The following SV2B variants were observed in gnomAD, a reference collection of about 807,000 sequenced individuals.
The protein encoded by SV2B is solute carrier family 22 member B2.
SV2B carries 41 observed loss-of-function variants against 73.9 expected under a neutral mutation model. The ratio of observed to expected loss-of-function variants is 0.56; its 90% CI spans 0.43 to 0.72. The LOEUF (loss-of-function observed/expected upper bound fraction) is 0.72, where lower values mean the gene tolerates loss of function less well. Among genes scored for constraint, SV2B ranks in the 30% least tolerant of loss-of-function variants. SV2B has a pLI of 0.00. For missense variants in SV2B, 764 were observed against 857.8 expected, an observed-to-expected ratio of 0.89 and a Z score of 1.37; for synonymous variants, 314 against 314.2, an observed-to-expected ratio of 1.00 and a Z score of 0.01.
intron 1 of SV2B, among the ~76,000 whole-genome samples, chr15:91,183,719 C>G (rs1884895707): frequency 6.6e-6 from 1 of 152,148 alleles, no homozygotes; most frequent in Non-Finnish European, 1.5e-5. Context: ...AATAAAAACC[C>G]CAGTCTCAAA....
intron 1 of SV2B, among the ~76,000 whole-genome samples, chr15:91,170,563 AG>A (rs931344287): frequency 3.9e-5 from 6 of 152,240 alleles, no homozygotes; most frequent in Admixed American, 3.9e-4. Context: ...CTGGGATTAC[AG>A]GCATGAGCCA....
At chr15:91,109,526 C>T (rs564912509) in intron 1 of SV2B, among the ~76,000 whole-genome samples, 93 of 152,216 alleles carry the variant, frequency 6.1e-4, no homozygotes, top group Admixed American at 1.1e-3. Flanking sequence ...GAACAGAACA[C>T]GTTAATGGAT....
chr15:91,261,981 C>G lies in SV2B; in HGVS notation c.1008+1572C>G, dbSNP rs2047924792. ...CCTTCCTGGAGTAACTCCTACCTAA[C>G]TTTGATTCACTGCTTTTATTTTTTA... On this transcript the variant is annotated intron_variant, in intron 6 of 12. Coordinates refer to ENST00000394232, the MANE Select transcript of SV2B (RefSeq NM_001323032.3). This position sits in a 1 kb window ranked among gnomAD's most constrained non-coding sequence, Gnocchi z 4.7. Among the ~76,000 whole-genome samples the G allele has an allele frequency of 6.6e-6, 1 of 152,204 alleles. No individual in the cohort carries two copies. Among genetic ancestry groups the G allele is most frequent in the African/African-American group, 2.4e-5 (1 of 41,458 alleles).
In SV2B at chr15:91,268,760, G is replaced by A. The variant is rs3743443; in HGVS notation, c.1373+155G>A. ...ACAACCTGTCATGGCTGCCAGTGAC[G>A]CCATAGCTCCCCTAGTGGCTGTGTC... On this transcript the variant is annotated intron_variant, in intron 9 of 12. Coordinates refer to ENST00000394232, the MANE Select transcript of SV2B (RefSeq NM_001323032.3). This position sits in a 1 kb window ranked among gnomAD's most constrained non-coding sequence, Gnocchi z 4.4. Among the ~76,000 whole-genome samples, 15 of 152,296 alleles carry A rather than the reference G, an allele frequency of 9.8e-5. 1 individual carries two copies. The East Asian group carries it at 1.5e-3, about 16-fold the overall frequency.
rs1462488390 is a variant in SV2B at position 91,298,756 on chromosome 15, G to A, written c.*6204G>A. The stretch of plus-strand genomic sequence containing the variant: ...ATATGTATTCCTTTAGAAAGCAAAG[G>A]TCTTTCAGAAGCTGTCCTCTACCAA... On this transcript the variant is annotated 3_prime_UTR_variant, in exon 13 of 13. Transcript: ENST00000394232. This position sits in a 1 kb window ranked among gnomAD's most constrained non-coding sequence, Gnocchi z 5.4. 3 of 152,104 alleles carry A rather than the reference G, an allele frequency of 2.0e-5. No homozygotes were observed. Among genetic ancestry groups the A allele is most frequent in the Non-Finnish European group, 4.4e-5 (3 of 68,016 alleles). The allele number at this position is 152,104 out of a possible 1,614,324, so 9.4% of individuals were successfully genotyped here. A position where few individuals can be genotyped will look rare whatever the true frequency, so the allele number is the denominator to read the frequency against.
intron 1 of SV2B, among the ~76,000 whole-genome samples, chr15:91,159,700 T>C (rs528823828): frequency 3.3e-5 from 5 of 152,328 alleles, no homozygotes; most frequent in African/African-American, 9.6e-5. Flanking sequence ...AGTTTCCAAC[T>C]AAATACGACC....
At chr15:91,158,464 AG>A (rs2043565016) in intron 1 of SV2B, among the ~76,000 whole-genome samples, 1 of 151,786 alleles carries the variant, frequency 6.6e-6, no homozygotes, top group Non-Finnish European at 1.5e-5. Flanking sequence ...GAAGGATTAG[AG>A]GGGAACAATC....
intron 1 of SV2B, among the ~76,000 whole-genome samples, chr15:91,112,225 A>G (rs1007761550): frequency 6.6e-6 from 1 of 152,136 alleles, no homozygotes; most frequent in Non-Finnish European, 1.5e-5. Flanking sequence ...GTGGGTTTAA[A>G]TGTTGTCACC....
intron 1 of SV2B, among the ~76,000 whole-genome samples, chr15:91,196,235 G>A (rs372069271): frequency 2.6e-5 from 4 of 152,288 alleles, no homozygotes; most frequent in East Asian, 3.9e-4. Context: ...GGCAAGGCAC[G>A]GGGATATAAT....
chr15:91,108,612 T>C (rs951110597), intron 1 of SV2B, among the ~76,000 whole-genome samples: 1 of 152,232 alleles, frequency 6.6e-6, no homozygotes, highest in African/African-American at 2.4e-5. Context: ...GGGCAAGAGA[T>C]CAGCAGGTAA....
chr15:91,114,888 A>G (rs2042135695), intron 1 of SV2B, among the ~76,000 whole-genome samples: 2 of 152,154 alleles, frequency 1.3e-5, no homozygotes, highest in Non-Finnish European at 2.9e-5. Flanking sequence ...TCAATGGGCT[A>G]TTTGGAAACA....
At chr15:91,185,575 T>G (rs2044739516) in intron 1 of SV2B, among the ~76,000 whole-genome samples, 1 of 152,212 alleles carries the variant, frequency 6.6e-6, no homozygotes, top group Admixed American at 6.5e-5. Flanking sequence ...AGGGAGATGT[T>G]TCTGGCCTCT....
intron 1 of SV2B, among the ~76,000 whole-genome samples, chr15:91,148,080 A>G (rs1352305366): frequency 1.4e-5 from 2 of 143,160 alleles, no homozygotes; most frequent in Non-Finnish European, 3.0e-5. Context: ...TCCCGGGTTC[A>G]AGCAATTCTT....
At position 91,289,729 on chromosome 15, in the gene SV2B, G is replaced by A. The variant is rs1400794980; in HGVS notation, c.1868+49G>A. 6.3e-7 allele frequency: 1 copy of A among 1,582,462 alleles called. No individual in the cohort carries two copies. Among genetic ancestry groups the A allele is most frequent in the Middle Eastern group, 2.3e-4 (1 of 4,364 alleles). On this transcript the variant is annotated intron_variant, in intron 12 of 12. Transcript: ENST00000394232. This position sits in a 1 kb window ranked among gnomAD's most constrained non-coding sequence, Gnocchi z 4.9. ...TCAGGGACTTGTTTGGGCTTCTTTGGCCAGAAGTCTACCTGCTCCCTAAAT... is the reference window on the plus strand; with the variant it reads ...TCAGGGACTTGTTTGGGCTTCTTTGACCAGAAGTCTACCTGCTCCCTAAAT...
At position 91,141,655 on chromosome 15, in the gene SV2B, A is replaced by G. The variant is rs181748821; in HGVS notation, c.-392+41292A>G. Among the ~76,000 whole-genome samples the G allele has an allele frequency of 7.2e-5, 11 of 152,314 alleles. No individual in the cohort carries two copies. Among genetic ancestry groups the G allele is most frequent in the Admixed American group, 6.5e-4 (10 of 15,298 alleles). ...AAATGCTTAGCCTATTGCCTGGCAC[A>G]CAGTGAATGCTTAATAAATCATTCA... On this transcript the variant is annotated intron_variant, in intron 1 of 12. Transcript: ENST00000394232. This position sits in a 1 kb window ranked among gnomAD's most constrained non-coding sequence, Gnocchi z 4.6.
rs148212317 is a variant in SV2B at position 91,130,211 on chromosome 15, G to A, written c.-392+29848G>A. On this transcript the variant is annotated intron_variant, in intron 1 of 12. Coordinates refer to ENST00000394232, the MANE Select transcript of SV2B (RefSeq NM_001323032.3). The surrounding 1 kb of genome is among the most constrained non-coding windows in gnomAD (Gnocchi z 5.6). ...GGAAGTGGGGCTGAGGAGAGTGAGAGGAGTGACACAGCTGAGGTTCTTAGG... is the reference window on the plus strand; with the variant it reads ...GGAAGTGGGGCTGAGGAGAGTGAGAAGAGTGACACAGCTGAGGTTCTTAGG... Among the ~76,000 whole-genome samples, 836 of 152,280 alleles carry A rather than the reference G, an allele frequency of 5.5e-3. 5 individuals are homozygous for A. Among genetic ancestry groups the A allele is most frequent in the Middle Eastern group, 0.037 (11 of 294 alleles).
At chr15:91,249,355 C>T (rs763120939) in intron 2 of SV2B, among the ~76,000 whole-genome samples, 4 of 152,214 alleles carry the variant, frequency 2.6e-5, no homozygotes, top group Admixed American at 2.0e-4. Context: ...TGCTCTTCTT[C>T]TGGGTTTTAA....
chr15:91,289,398 C>T lies in SV2B; in HGVS notation c.1709-123C>T. 1 of 1,265,370 alleles carries T rather than the reference C, an allele frequency of 7.9e-7. No homozygotes were observed. Among genetic ancestry groups the T allele is most frequent in the African/African-American group, 1.5e-5 (1 of 67,698 alleles). The allele number at this position is 1,265,370 out of a possible 1,614,324, so 78.4% of individuals were successfully genotyped here. On this transcript the variant is annotated intron_variant, in intron 11 of 12. Transcript: ENST00000394232. The surrounding 1 kb of genome is among the most constrained non-coding windows in gnomAD (Gnocchi z 4.9). ...CTCTGTGTGGAGGGTGAACCTAATA[C>T]TTCAGGCAGCCTTGGCTTCAGGTGT...
At chr15:91,259,807 G>T (rs965360268) in intron 5 of SV2B, among the ~76,000 whole-genome samples, 1 of 152,180 alleles carries the variant, frequency 6.6e-6, no homozygotes, top group Non-Finnish European at 1.5e-5. Context: ...TATAAGGGCA[G>T]CAGTTATATC....
Sources: allele counts gnomAD v4.1 joint callset (sites outside exome capture counted in the v4.1 genomes callset), GRCh38; gene constraint gnomAD v4.1.1; non-coding constraint Gnocchi (gnomAD v3.1); transcripts MANE v1.5; gene names NCBI Gene and HGNC (gene_info 2026-07-23, HGNC 2026-07-21).